OTOF: variants seen among roughly 807,000 people sequenced by gnomAD.
OTOF encodes the protein otoferlin, also known as fer-1-like family member 2.
A neutral mutation model predicts 236.8 loss-of-function variants in OTOF; 218 were observed. That is an observed-to-expected ratio of 0.92 (90% confidence interval 0.82 to 1.03). The LOEUF (loss-of-function observed/expected upper bound fraction) is 1.03, where lower values mean the gene tolerates loss of function less well. OTOF is among the 50% of genes least tolerant of loss of function. OTOF has a pLI of 0.00. For missense variants in OTOF, 2,590 were observed against 2,694.4 expected (o/e 0.96, Z 0.86); for synonymous variants, 1,041 against 1,072.5 (o/e 0.97, Z 0.57).
In OTOF at chr2:26,470,650, G is replaced by C. The variant is rs80356576; in HGVS notation, c.3966C>G (p.Asp1322Glu). Residue 1322 changes from aspartate to glutamate, a missense_variant, in exon 32 of 47, where the codon GAC becomes GAG. Around this residue, in one of 2 missense-constraint regions of OTOF, gnomAD observed 1,211 missense variants for 1,352.8 expected, o/e 0.90. Coordinates refer to ENST00000272371, the MANE Select transcript of OTOF (RefSeq NM_194248.3). The surrounding 1 kb of genome is among the most constrained non-coding windows in gnomAD (Gnocchi z 4.3). ...TAEEPEEEEP[D>E]ESMLDWWSKY... ...TGGACCACCAGTCCAGCATGCTCTCGTCTGGCTCCTCCTCCTCTGGCTCCT... is the reference window on the plus strand; with the variant it reads ...TGGACCACCAGTCCAGCATGCTCTCCTCTGGCTCCTCCTCCTCTGGCTCCT... The C allele has an allele frequency of 1.1e-3, 1,854 of 1,614,118 alleles. 1 individual carries two copies. Among genetic ancestry groups the C allele is most frequent in the Non-Finnish European group, 1.4e-3 (1,709 of 1,180,032 alleles).
At position 26,460,823 on chromosome 2, in the gene OTOF, C is replaced by A. The variant is rs763744531; in HGVS notation, c.5712+29G>T. 1 of 1,614,066 alleles carries A rather than the reference C, an allele frequency of 6.2e-7. No individual in the cohort carries two copies. Among genetic ancestry groups the A allele is most frequent in the Admixed American group, 1.7e-5 (1 of 60,010 alleles). On this transcript the variant is annotated intron_variant, in intron 44 of 46. Coordinates refer to ENST00000272371, the MANE Select transcript of OTOF (RefSeq NM_194248.3). The surrounding 1 kb of genome is among the most constrained non-coding windows in gnomAD (Gnocchi z 5.3). ...GCACCCCAGCCAGTCCCAGCCCTGC[C>A]TACTGCCCGAGCAGGAAGGGGTGCG...
At chr2:26,480,383 G>A (rs1446344389) in intron 15 of OTOF, 72 bp from the exon 16 acceptor site, 23 of 937,388 alleles carry the variant, frequency 2.5e-5, no homozygotes, top group South Asian at 9.1e-5. Flanking sequence ...GCCTCCTTCC[G>A]TCTCACAGAC....
At chr2:26,482,252 C>A (rs992776229) in intron 14 of OTOF, among the ~76,000 whole-genome samples, 154 bp downstream of exon 14, 2 of 152,190 alleles carry the variant, frequency 1.3e-5, no homozygotes, top group Non-Finnish European at 2.9e-5. Context: ...TCACCCTCCC[C>A]CTGAGGCAGG....
In OTOF at chr2:26,462,671, C is replaced by T. The variant is rs910826915; in HGVS notation, c.5193-490G>A. 6.6e-6 allele frequency among the ~76,000 whole-genome samples: 1 copy of T among 152,176 alleles called. No homozygotes were observed. The highest frequency in any genetic ancestry group is 2.4e-5 in the African/African-American group (1 of 41,432). On this transcript the variant is annotated intron_variant, in intron 41 of 46. Transcript: ENST00000272371. This position sits in a 1 kb window ranked among gnomAD's most constrained non-coding sequence, Gnocchi z 4.7. The stretch of plus-strand genomic sequence containing the variant: ...CCAGAGTGGCCCAGTGAGTTGGGTG[C>T]CCCCTAATGACAGGCCCTGGAACAG...
intron 41 of OTOF, 108 bp downstream of exon 41, chr2:26,463,375 C>T (rs1297988968): frequency 1.1e-6 from 1 of 917,438 alleles, no homozygotes; most frequent in African/African-American, 1.6e-5. Flanking sequence ...GGGATGCCAA[C>T]TGGCCAAGGC....
chr2:26,457,857 G>T lies in OTOF; in HGVS notation c.*381C>A. On this transcript the variant is annotated 3_prime_UTR_variant, in exon 47 of 47. Transcript: ENST00000272371. The surrounding 1 kb of genome is among the most constrained non-coding windows in gnomAD (Gnocchi z 4.4). ...AGGCAGGGGTCAGAGGGGCGGGACTGGGCAAGCCGCAGCCTGGGGCAGTGA... is the reference window on the plus strand; with the variant it reads ...AGGCAGGGGTCAGAGGGGCGGGACTTGGCAAGCCGCAGCCTGGGGCAGTGA... 1 of 638,668 alleles carries T rather than the reference G, an allele frequency of 1.6e-6. No individual in the cohort carries two copies. Among genetic ancestry groups the T allele is most frequent in the East Asian group, 2.7e-5 (1 of 37,064 alleles). The allele number at this position is 638,668 out of a possible 1,614,324, so 39.6% of individuals were successfully genotyped here. A position where few individuals can be genotyped will look rare whatever the true frequency, so the allele number is the denominator to read the frequency against.
Position 26,558,691 on chromosome 2 carries a change from C to G in OTOF, c.-120G>C. 2.4e-6 allele frequency: 2 copies of G among 843,386 alleles called. No individual in the cohort carries two copies. The highest frequency in any genetic ancestry group is 2.7e-5 in the East Asian group (1 of 37,202). The allele number at this position is 843,386 out of a possible 1,614,324, so 52.2% of individuals were successfully genotyped here. A position where few individuals can be genotyped will look rare whatever the true frequency, so the allele number is the denominator to read the frequency against. ...GCCTCCTCCTCCTCCTCCCGACCCC[C>G]CTCCGATGCTGCCCACAGAGACCAA... On this transcript the variant is annotated 5_prime_UTR_variant, in exon 1 of 47. Transcript: ENST00000272371.
chr2:26,549,454 C>T (rs552161884), intron 1 of OTOF, among the ~76,000 whole-genome samples: 1 of 152,294 alleles, frequency 6.6e-6, no homozygotes, highest in East Asian at 1.9e-4. Flanking sequence ...CTCTGAAAAT[C>T]ACCAATGACT....
chr2:26,539,733 C>CA (rs1422975627), intron 1 of OTOF, among the ~76,000 whole-genome samples: 1 of 151,960 alleles, frequency 6.6e-6, no homozygotes, highest in Non-Finnish European at 1.5e-5. Flanking sequence ...AACTCCATCT[C>CA]AAAAAAGTTA....
chr2:26,466,621 A>G (rs1469041487), intron 36 of OTOF, 93 bp downstream of exon 36: 12 of 1,466,506 alleles, frequency 8.2e-6, no homozygotes, highest in African/African-American at 1.4e-5. Context: ...ACAGGCGTAA[A>G]CCATTGCACC....
intron 26 of OTOF, 129 bp from the exon 27 acceptor site, chr2:26,474,239 G>T: frequency 1.5e-6 from 2 of 1,303,300 alleles, no homozygotes; most frequent in Middle Eastern, 2.2e-4. Flanking sequence ...GCTTTGGTCA[G>T]GATGGGTAGG....
intron 2 of OTOF, among the ~76,000 whole-genome samples, chr2:26,534,147 A>G (rs1310246685): frequency 6.6e-6 from 1 of 152,204 alleles, no homozygotes; most frequent in East Asian, 1.9e-4. Flanking sequence ...GATGCTACCA[A>G]TCCAGCAAGT....
chr2:26,468,046 C>T (rs1475847356), intron 33 of OTOF, among the ~76,000 whole-genome samples: 3 of 152,228 alleles, frequency 2.0e-5, no homozygotes. Flanking sequence ...ATCAGCTTTT[C>T]CTAAACTAAT....
At chr2:26,466,146 T>C (rs1664718146) in intron 36 of OTOF, 70 bp from the exon 37 acceptor site, 7 of 1,594,820 alleles carry the variant, frequency 4.4e-6, no homozygotes, top group Middle Eastern at 3.6e-4. Context: ...CCTGCCAGGC[T>C]GCCTGAGGGT....
At chr2:26,467,285 C>T (rs769293045) in intron 34 of OTOF, 52 bp from the exon 35 acceptor site, 18 of 1,613,748 alleles carry the variant, frequency 1.1e-5, no homozygotes, top group Non-Finnish European at 5.1e-6. Context: ...TGGCTTTTGT[C>T]CTGCCCCACC....
chr2:26,527,077 A>G (rs1276436730), intron 3 of OTOF, among the ~76,000 whole-genome samples: 2 of 152,340 alleles, frequency 1.3e-5, no homozygotes, highest in African/African-American at 2.4e-5. Flanking sequence ...GAGAAGGATG[A>G]CAACTACTTT....
chr2:26,494,131 C>T (rs925851245), intron 9 of OTOF, among the ~76,000 whole-genome samples: 1 of 152,216 alleles, frequency 6.6e-6, no homozygotes, highest in East Asian at 1.9e-4. Flanking sequence ...GCAGCCTGGC[C>T]CCTGCTCTAT....
intron 46 of OTOF, 68 bp downstream of exon 46, chr2:26,459,940 G>T: frequency 1.4e-6 from 2 of 1,405,376 alleles, no homozygotes; most frequent in Non-Finnish European, 9.8e-7. Flanking sequence ...ATGTGTGCGT[G>T]TATATGTGTG....
At chr2:26,519,184 C>A in intron 3 of OTOF, 75 bp from the exon 4 acceptor site, 1 of 999,440 alleles carries the variant, frequency 1.0e-6, no homozygotes, top group Non-Finnish European at 1.5e-6. Flanking sequence ...ATCCCAAGGG[C>A]TGTGACTGCT....
Sources: gnomAD v4.1 joint callset for allele counts (sites outside exome capture counted in the v4.1 genomes callset) on GRCh38, gnomAD v4.1.1 for gene constraint, gnomAD v4.1.1 regional missense constraint, Gnocchi (gnomAD v3.1) non-coding constraint, MANE v1.5 for transcripts, NCBI Gene and HGNC (gene_info 2026-07-23, HGNC 2026-07-21) for gene names.